Variants in BRDT observed in about 807,000 individuals in gnomAD.
BRDT encodes bromodomain testis associated.
In BRDT, 77 loss-of-function variants were observed where a neutral mutation model predicts 113.9. That is an observed-to-expected ratio of 0.68 (90% CI 0.56 to 0.82). BRDT has a LOEUF of 0.82. Ranked by LOEUF, BRDT falls within the 40% of genes least tolerant of loss-of-function variation. The pLI is 0.00. For missense variants in BRDT, 1,027 were observed against 1,105.4 expected (o/e 0.93, Z 1.01); for synonymous variants, 358 against 366.5 (o/e 0.98, Z 0.26).
chr1:92,011,035 G>A (rs1486240237), intron 18 of BRDT, among the ~76,000 whole-genome samples: 4 of 151,702 alleles, frequency 2.6e-5, no homozygotes, highest in South Asian at 4.2e-4. Flanking sequence ...TAGGAAAAAC[G>A]TGTAAATTCA....
rs780096870 is a variant in BRDT at position 91,979,587 on chromosome 1, T to C, written c.1117T>C (p.Phe373Leu). ...ATTACAGGATGTTTTCGAAACGCAT[T>C]TTTCAAAGATCCCGATTGAACCTGT... The part of the protein sequence containing the change: ...RMLQDVFETH[F>L]SKIPIEPVES... Residue 373 changes from phenylalanine to leucine, a missense_variant, in exon 8 of 19, where the codon TTT becomes CTT. Phe to Leu is a conservative substitution (Grantham distance 22). Transcript: ENST00000399546. 6.2e-7 allele frequency: 1 copy of C among 1,607,012 alleles called. No individual in the cohort carries two copies. The highest frequency in any genetic ancestry group is 8.5e-7 in the Non-Finnish European group (1 of 1,178,576).
At chr1:92,008,962 T>G (rs929286282) in intron 18 of BRDT, among the ~76,000 whole-genome samples, 3 of 152,252 alleles carry the variant, frequency 2.0e-5, no homozygotes, top group Admixed American at 1.3e-4. Flanking sequence ...CCTCACCTTT[T>G]GTGGTGAGAA....
chr1:91,965,602 C>A (rs1222070930), intron 3 of BRDT, among the ~76,000 whole-genome samples: 1 of 152,132 alleles, frequency 6.6e-6, no homozygotes, highest in African/African-American at 2.4e-5. Flanking sequence ...GTAATCCCAG[C>A]ACTTTGGGAG....
chr1:92,011,964 G>A (rs1347943508), intron 18 of BRDT, among the ~76,000 whole-genome samples: 1 of 152,184 alleles, frequency 6.6e-6, no homozygotes, highest in Non-Finnish European at 1.5e-5. Flanking sequence ...GGACCACACA[G>A]TAAGGAATAG....
intron 1 of BRDT, among the ~76,000 whole-genome samples, chr1:91,959,574 G>C (rs1265042333): frequency 1.3e-5 from 2 of 151,888 alleles, no homozygotes; most frequent in African/African-American, 4.8e-5. Context: ...TCTACCTCCC[G>C]GGTTCAAGTG....
chr1:91,975,023 A>G (rs1218874877), intron 4 of BRDT, among the ~76,000 whole-genome samples: 2 of 152,192 alleles, frequency 1.3e-5, no homozygotes, highest in South Asian at 2.1e-4. Flanking sequence ...TTAGCAAACT[A>G]TCGCAAGACA....
chr1:91,969,827 T>G (rs1444876958), intron 4 of BRDT, among the ~76,000 whole-genome samples: 5 of 143,094 alleles, frequency 3.5e-5, no homozygotes, highest in African/African-American at 1.0e-4. Flanking sequence ...GTGTGTGTTT[T>G]TTTTTTTTTT....
At chr1:91,994,296 C>T in intron 15 of BRDT, 42 bp downstream of exon 15, 1 of 1,453,594 alleles carries the variant, frequency 6.9e-7, no homozygotes, top group Non-Finnish European at 9.4e-7. Context: ...GAGAAATTGA[C>T]TTCTAAACCT....
intron 4 of BRDT, among the ~76,000 whole-genome samples, chr1:91,968,502 G>A (rs1412349045): frequency 1.3e-5 from 2 of 152,152 alleles, no homozygotes; most frequent in Admixed American, 6.5e-5. Flanking sequence ...GCATAATGCC[G>A]TTCACATAGT....
At chr1:91,973,994 T>C (rs555757117) in intron 4 of BRDT, among the ~76,000 whole-genome samples, 1 of 152,238 alleles carries the variant, frequency 6.6e-6, no homozygotes, top group Admixed American at 6.5e-5. Context: ...CATCTACAAC[T>C]ATCTGATCTT....
At chr1:91,992,724 C>T (rs963123973) in intron 14 of BRDT, among the ~76,000 whole-genome samples, 2 of 151,976 alleles carry the variant, frequency 1.3e-5, no homozygotes, top group Non-Finnish European at 1.5e-5. Context: ...TTAGTAGAAA[C>T]GGGGTTTCAC....
intron 1 of BRDT, among the ~76,000 whole-genome samples, chr1:91,958,931 C>A (rs1391430067): frequency 6.6e-6 from 1 of 151,858 alleles, no homozygotes; most frequent in Non-Finnish European, 1.5e-5. Context: ...TACCTATAGT[C>A]CCAGATAATC....
At chr1:91,963,046 A>G (rs1570453962) in intron 2 of BRDT, 100 bp downstream of exon 2, 1 of 1,000,956 alleles carries the variant, frequency 1.0e-6, no homozygotes, top group Non-Finnish European at 1.4e-6. Context: ...ATATTTGGCC[A>G]GGCGCGTTGG....
chr1:92,000,563 G>A (rs1282145337), intron 15 of BRDT, among the ~76,000 whole-genome samples: 1 of 152,174 alleles, frequency 6.6e-6, no homozygotes, highest in African/African-American at 2.4e-5. Flanking sequence ...TTTAGCCAGA[G>A]AATCAGTCAA....
intron 1 of BRDT, among the ~76,000 whole-genome samples, chr1:91,962,244 T>A (rs114391981): frequency 0.045 from 6,268 of 139,870 alleles, 545 homozygotes; most frequent in Non-Finnish European, 0.066. Context: ...ATATAAAAAA[T>A]TTGTATTTGT....
At position 91,977,129 on chromosome 1, in the gene BRDT, C is replaced by A; in HGVS notation, c.705C>A (p.Phe235Leu). The A allele has an allele frequency of 6.2e-7, 1 of 1,613,754 alleles. No homozygotes were observed. Among genetic ancestry groups the A allele is most frequent in the Non-Finnish European group, 8.5e-7 (1 of 1,179,934 alleles). ...VKASSEFSPT[F>L]TEKSVALPPI... ...CAAGTAGTGAATTTTCTCCAACATT[C>A]ACAGAAAAATCAGTGGCACTGCCAC... The change falls in exon 6 of 19, where the codon TTC becomes TTA. Residue 235 changes from phenylalanine (F) to leucine (L), a missense_variant. Transcript: ENST00000399546.
Position 91,978,150 on chromosome 1 carries a change from A to C in BRDT, c.970-18A>C. ...GAATTGAACTATTTGTGAATCCTGT[A>C]GTTTTTCTTTAATTTAGGAGAAAAT... is the stretch of plus-strand genomic sequence containing the variant. On this transcript the variant is annotated intron_variant, in intron 6 of 18. Coordinates refer to ENST00000399546, the MANE Select transcript of BRDT (RefSeq NM_207189.4). The C allele has an allele frequency of 6.2e-7, 1 of 1,601,590 alleles. No homozygotes were observed. The highest frequency in any genetic ancestry group is 1.7e-5 in the Admixed American group (1 of 59,200).
chr1:91,974,366 A>C (rs1251048516), intron 4 of BRDT, among the ~76,000 whole-genome samples: 1 of 152,238 alleles, frequency 6.6e-6, no homozygotes, highest in Non-Finnish European at 1.5e-5. Flanking sequence ...AAATGGGAGA[A>C]AATTTTTGCA....
At chr1:91,969,787 A>G (rs1223829322) in intron 4 of BRDT, among the ~76,000 whole-genome samples, 3 of 150,420 alleles carry the variant, frequency 2.0e-5, no homozygotes, top group African/African-American at 4.9e-5. Flanking sequence ...CTTAACTTTC[A>G]AGTGTTTAAG....
Sources: gnomAD v4.1 joint callset for allele counts (sites outside exome capture counted in the v4.1 genomes callset) on GRCh38, gnomAD v4.1.1 for gene constraint, MANE v1.5 for transcripts, NCBI Gene and HGNC (gene_info 2026-07-23, HGNC 2026-07-21) for gene names.